PSD3: variants seen among roughly 807,000 people sequenced by gnomAD.
The protein encoded by PSD3 is PH and SEC7 domain-containing protein 3.
PSD3 carries 49 observed loss-of-function variants against 105.5 expected under a neutral mutation model. The observed-to-expected ratio is 0.46, with a 90% CI of 0.37 to 0.59. The LOEUF is 0.59. PSD3 is among the 20% of genes least tolerant of loss of function. PSD3 has a pLI of 0.00. For synonymous variants in PSD3, 557 were observed against 457.8 expected (o/e 1.22, Z -2.77); for missense variants, 1,561 against 1,263.8 (o/e 1.24, Z -3.57).
At chr8:18,905,456 T>C (rs1229255862) in intron 2 of PSD3, among the ~76,000 whole-genome samples, 1 of 152,172 alleles carries the variant, frequency 6.6e-6, no homozygotes, top group African/African-American at 2.4e-5. Context: ...CCTGAGTAGC[T>C]GGGACTACAG....
chr8:18,990,378 C>T (rs910106325), intron 1 of PSD3, among the ~76,000 whole-genome samples: 4 of 152,100 alleles, frequency 2.6e-5, no homozygotes, highest in Admixed American at 1.3e-4. Flanking sequence ...TTGGCTCCGC[C>T]GCCTGGCCTT....
chr8:18,843,915 ATTTTT>A (rs10578700), intron 4 of PSD3, among the ~76,000 whole-genome samples: 42 of 141,650 alleles, frequency 3.0e-4, no homozygotes, highest in Admixed American at 6.3e-4. Context: ...AAGATAGACT[ATTTTT>A]TTTTTTTTTT....
intron 14 of PSD3, among the ~76,000 whole-genome samples, chr8:18,567,209 A>G (rs1801832322): frequency 1.3e-5 from 2 of 152,164 alleles, no homozygotes; most frequent in South Asian, 4.1e-4. Context: ...CAAACTACTG[A>G]AAAAGAACAA....
At chr8:18,681,622 C>T (rs1800395929) in intron 9 of PSD3, among the ~76,000 whole-genome samples, 1 of 151,938 alleles carries the variant, frequency 6.6e-6, no homozygotes, top group Non-Finnish European at 1.5e-5. Context: ...TTACACATGT[C>T]TATTATAGTA....
intron 9 of PSD3, among the ~76,000 whole-genome samples, chr8:18,674,100 C>T (rs984886744): frequency 3.3e-5 from 5 of 151,830 alleles, no homozygotes; most frequent in African/African-American, 9.7e-5. Context: ...GAGCAGTGAT[C>T]GTGCCACTGC....
chr8:19,069,453 C>A (rs892339174), intron 1 of PSD3, among the ~76,000 whole-genome samples: 1 of 152,136 alleles, frequency 6.6e-6, no homozygotes. Context: ...AGTGCTTGGG[C>A]AGAAGCTGAA....
At position 18,936,031 on chromosome 8, in the gene PSD3, T is replaced by C; in HGVS notation, c.130+3A>G. On this transcript the variant is annotated splice_donor_region_variant and intron_variant, in intron 2 of 15. Transcript: ENST00000327040. ...TGGGAGAGGGATATGAGGAAATACT[T>C]ACTAGTATCTGGAGCTTTCCCTTCA... The C allele has an allele frequency of 6.3e-7, 1 of 1,584,672 alleles. No homozygotes were observed. The highest frequency in any genetic ancestry group is 8.7e-7 in the Non-Finnish European group (1 of 1,154,120).
intron 8 of PSD3, among the ~76,000 whole-genome samples, chr8:18,771,268 T>C (rs749069176): frequency 1.5e-4 from 23 of 152,068 alleles, no homozygotes; most frequent in African/African-American, 3.1e-4. Context: ...CTTTTCAGCT[T>C]GAGGGTGCAG....
intron 2 of PSD3, among the ~76,000 whole-genome samples, chr8:18,933,090 T>A (rs1335213679): frequency 1.3e-5 from 2 of 152,246 alleles, no homozygotes; most frequent in African/African-American, 4.8e-5. Context: ...TGCACAAAGG[T>A]GCTCATTAAA....
At chr8:18,670,440 G>A (rs1283435794) in intron 9 of PSD3, among the ~76,000 whole-genome samples, 1 of 152,126 alleles carries the variant, frequency 6.6e-6, no homozygotes, top group Non-Finnish European at 1.5e-5. Context: ...TGTGGAGAAA[G>A]GATTATAAGA....
intron 1 of PSD3, among the ~76,000 whole-genome samples, chr8:19,038,519 T>G (rs1175492136): frequency 6.6e-6 from 1 of 152,232 alleles, no homozygotes; most frequent in East Asian, 1.9e-4. Context: ...CAGACTGCAG[T>G]GCAGTAGTGC....
chr8:18,777,357 T>TA lies in PSD3; in HGVS notation c.2083-11820dup, dbSNP rs546288152. 2.6e-4 allele frequency among the ~76,000 whole-genome samples: 40 copies of TA among 152,296 alleles called. No individual in the cohort carries two copies. In the East Asian group the frequency reaches 5.4e-3, roughly 21 times the overall value. ...TGCCTTGCCAATTTTGCCAATGTTT[T>TA]AAAAAACCCAACTTTTCATTTCTGT... On this transcript the variant is annotated intron_variant, in intron 8 of 15. Transcript: ENST00000327040.
chr8:18,620,885 A>G (rs1188980398), intron 11 of PSD3, among the ~76,000 whole-genome samples: 1 of 152,220 alleles, frequency 6.6e-6, no homozygotes, highest in Non-Finnish European at 1.5e-5. Context: ...ACACTGCATT[A>G]AATTACCACA....
At position 18,820,022 on chromosome 8, in the gene PSD3, T is replaced by C. The variant is rs188895384; in HGVS notation, c.1635-15124A>G. Among the ~76,000 whole-genome samples, 578 of 152,336 alleles carry C rather than the reference T, an allele frequency of 3.8e-3. 4 individuals carry two copies. The highest frequency in any genetic ancestry group is 0.013 in the African/African-American group (535 of 41,578). ...TTACAGTGTCTTCAAAAAGATGCTATAAAAGGTACTGAGACAAAAGTATTA... is the reference window on the plus strand; with the variant it reads ...TTACAGTGTCTTCAAAAAGATGCTACAAAAGGTACTGAGACAAAAGTATTA... On this transcript the variant is annotated intron_variant, in intron 4 of 15. Transcript: ENST00000327040.
At chr8:18,813,150 G>C (rs1018938831) in intron 4 of PSD3, among the ~76,000 whole-genome samples, 2 of 152,190 alleles carry the variant, frequency 1.3e-5, no homozygotes, top group African/African-American at 4.8e-5. Flanking sequence ...AGTGGCTTGA[G>C]ATGTGCATGG....
chr8:18,626,684 A>T (rs116060754), intron 11 of PSD3, among the ~76,000 whole-genome samples: 6 of 152,256 alleles, frequency 3.9e-5, no homozygotes, highest in African/African-American at 1.4e-4. Flanking sequence ...CTCTCAAAAG[A>T]AGAAGGCAAA....
At chr8:18,584,572 C>T (rs1337707415) in intron 12 of PSD3, among the ~76,000 whole-genome samples, 1 of 152,212 alleles carries the variant, frequency 6.6e-6, no homozygotes, top group South Asian at 2.1e-4. Context: ...AAGTAACCTA[C>T]AACCTATTAT....
intron 9 of PSD3, among the ~76,000 whole-genome samples, chr8:18,752,635 TATATATA>T (rs1286441301): frequency 0.049 from 3,659 of 75,420 alleles, 148 homozygotes; most frequent in African/African-American, 0.1. Flanking sequence ...TTATATATAA[TATATATA>T]ATATATATAA....
At chr8:18,865,270 ATATATATATATATATATTTTT>A (rs1816817887) in intron 4 of PSD3, 2 of 2,334 alleles carry the variant, frequency 8.6e-4, no homozygotes, top group African/African-American at 3.4e-3. Context: ...ATATATATAT[ATATATATATATATATATTTTT>A]TTTTTTTTTT....
Sources: allele counts gnomAD v4.1 joint callset (sites outside exome capture counted in the v4.1 genomes callset), GRCh38; gene constraint gnomAD v4.1.1; transcripts MANE v1.5; gene names NCBI Gene and HGNC (gene_info 2026-07-23, HGNC 2026-07-21).